Variants in SCCPDH observed in about 807,000 individuals in gnomAD.
SCCPDH encodes the protein saccharopine dehydrogenase (putative), also known as saccharopine dehydrogenase-like oxidoreductase.
Under a neutral mutation model 51.5 loss-of-function variants are expected in SCCPDH, and 34 were observed. That is an observed-to-expected ratio of 0.66 (90% CI 0.50 to 0.88). The LOEUF (loss-of-function observed/expected upper bound fraction) is 0.88, where lower values mean the gene tolerates loss of function less well. SCCPDH is among the 40% of genes least tolerant of loss of function. SCCPDH has a pLI of 0.00. For missense variants in SCCPDH, 464 were observed against 527.1 expected (o/e 0.88, Z 1.17); for synonymous variants, 187 against 191.3 (o/e 0.98, Z 0.19).
intron 1 of SCCPDH, among the ~76,000 whole-genome samples, chr1:246,725,048 G>C (rs966018117): frequency 3.9e-5 from 6 of 152,116 alleles, no homozygotes; most frequent in African/African-American, 1.4e-4. Flanking sequence ...GTCTCCCTTT[G>C]CCTCGTGTTT....
At chr1:246,731,025 A>G (rs1003522358) in intron 2 of SCCPDH, among the ~76,000 whole-genome samples, 1 of 152,218 alleles carries the variant, frequency 6.6e-6, no homozygotes, top group Non-Finnish European at 1.5e-5. Flanking sequence ...GCGCCATTGT[A>G]TTCAAGCCTG....
intron 4 of SCCPDH, among the ~76,000 whole-genome samples, chr1:246,743,373 A>G (rs1668709002): frequency 6.6e-6 from 1 of 152,000 alleles, no homozygotes; most frequent in Non-Finnish European, 1.5e-5. Flanking sequence ...TCACAAGGTC[A>G]GGAAATCTAG....
chr1:246,728,635 T>TTC (rs1466249235), intron 2 of SCCPDH, among the ~76,000 whole-genome samples: 1 of 152,242 alleles, frequency 6.6e-6, no homozygotes, highest in Non-Finnish European at 1.5e-5. Context: ...TTCCTTGAAC[T>TTC]TTTAGTATCC....
intron 1 of SCCPDH, among the ~76,000 whole-genome samples, chr1:246,725,617 G>A (rs1572290620): frequency 6.6e-6 from 1 of 152,308 alleles, no homozygotes; most frequent in Admixed American, 6.5e-5. Flanking sequence ...AAGACACCAC[G>A]TAGGCTGGAC....
intron 5 of SCCPDH, among the ~76,000 whole-genome samples, chr1:246,750,072 C>T (rs1174136324): frequency 3.3e-5 from 5 of 152,158 alleles, no homozygotes; most frequent in Admixed American, 3.3e-4. Flanking sequence ...GGGTGGTGCT[C>T]TTTGGACCCA....
chr1:246,753,311 G>A (rs925293326), intron 5 of SCCPDH, among the ~76,000 whole-genome samples: 1 of 151,996 alleles, frequency 6.6e-6, no homozygotes, highest in African/African-American at 2.4e-5. Context: ...TCTCTTAGAA[G>A]CTCTTCTATA....
At chr1:246,756,773 C>T (rs901001258) in intron 5 of SCCPDH, among the ~76,000 whole-genome samples, 7 of 152,134 alleles carry the variant, frequency 4.6e-5, no homozygotes, top group African/African-American at 1.4e-4. Flanking sequence ...ATCATCAAAG[C>T]TGAGATAGGA....
chr1:246,733,731 G>T (rs1464117744), intron 2 of SCCPDH, among the ~76,000 whole-genome samples: 19 of 152,106 alleles, frequency 1.2e-4, no homozygotes, highest in Admixed American at 1.2e-3. Context: ...CTTGCATCAA[G>T]ACAGAAAATA....
chr1:246,735,681 G>C (rs983156697), intron 2 of SCCPDH, among the ~76,000 whole-genome samples: 1 of 152,162 alleles, frequency 6.6e-6, no homozygotes, highest in Non-Finnish European at 1.5e-5. Flanking sequence ...ACAGGTGTGT[G>C]CCACCACGCC....
At chr1:246,763,016 G>A (rs1012969118) in intron 9 of SCCPDH, among the ~76,000 whole-genome samples, 5 of 152,010 alleles carry the variant, frequency 3.3e-5, no homozygotes, top group Non-Finnish European at 5.9e-5. Context: ...ACTCTGGTTC[G>A]GTTGGTCTGG....
intron 3 of SCCPDH, 93 bp downstream of exon 3, chr1:246,736,148 A>T: frequency 1.3e-6 from 1 of 782,282 alleles, no homozygotes; most frequent in South Asian, 1.6e-5. Flanking sequence ...AGACATATTT[A>T]GAAGCCGACA....
intron 5 of SCCPDH, among the ~76,000 whole-genome samples, chr1:246,748,106 C>T (rs555645743): frequency 3.3e-5 from 5 of 151,926 alleles, no homozygotes; most frequent in East Asian, 3.9e-4. Flanking sequence ...CTTTGCTGCT[C>T]GACTTTATCC....
chr1:246,735,723 G>GGTTTCACCAT (rs2102981937), intron 2 of SCCPDH, among the ~76,000 whole-genome samples: 1 of 152,258 alleles, frequency 6.6e-6, no homozygotes, highest in South Asian at 2.1e-4. Flanking sequence ...GTCGAGATGG[G>GGTTTCACCAT]GTTTCACCAT....
At chr1:246,738,977 G>A (rs1181182270) in intron 3 of SCCPDH, among the ~76,000 whole-genome samples, 2 of 152,194 alleles carry the variant, frequency 1.3e-5, no homozygotes, top group Admixed American at 1.3e-4. Flanking sequence ...GACTGAGTGT[G>A]TTAATGTGTT....
chr1:246,728,758 T>C lies in SCCPDH; in HGVS notation c.303+1754T>C, dbSNP rs533825280. 2.1e-4 allele frequency among the ~76,000 whole-genome samples: 32 copies of C among 152,292 alleles called. 1 individual carries two copies. In the Middle Eastern group the frequency reaches 0.01, roughly 49 times the overall value. ...CTTCATCTTCCTACCACCAGATCTA[T>C]CTACCTACCTACCTGTCTGCCAATC... On this transcript the variant is annotated intron_variant, in intron 2 of 11. Coordinates refer to ENST00000366510, the MANE Select transcript of SCCPDH (RefSeq NM_016002.3).
At chr1:246,727,500 T>G (rs1324506005) in intron 2 of SCCPDH, among the ~76,000 whole-genome samples, 1 of 152,174 alleles carries the variant, frequency 6.6e-6, no homozygotes, top group Admixed American at 6.5e-5. Flanking sequence ...AGAAAATCCC[T>G]CGTGGACATT....
At position 246,759,981 on chromosome 1, in the gene SCCPDH, G is replaced by A; in HGVS notation, c.838G>A (p.Val280Met). 1 of 1,613,620 alleles carries A rather than the reference G, an allele frequency of 6.2e-7. No homozygotes were observed. Among genetic ancestry groups the A allele is most frequent in the Non-Finnish European group, 8.5e-7 (1 of 1,179,824 alleles). The change falls in exon 8 of 12, where the codon GTG becomes ATG. Residue 280 changes from valine (V) to methionine (M), a missense_variant. Coordinates refer to ENST00000366510, the MANE Select transcript of SCCPDH (RefSeq NM_016002.3). ...SPVQYAAYVTVGGITSVIKLM... is the reference protein window; with the variant it reads ...SPVQYAAYVTMGGITSVIKLM... ...GGTTCAGTATGCTGCGTATGTAACTGTGGGAGGCATCACCTCTGTTATTAA... is the reference window on the plus strand; with the variant it reads ...GGTTCAGTATGCTGCGTATGTAACTATGGGAGGCATCACCTCTGTTATTAA...
intron 4 of SCCPDH, among the ~76,000 whole-genome samples, chr1:246,742,504 G>A (rs924525680): frequency 2.0e-5 from 3 of 152,176 alleles, no homozygotes; most frequent in Non-Finnish European, 2.9e-5. Context: ...TGCGGATCGG[G>A]TTAGATCACA....
intron 11 of SCCPDH, among the ~76,000 whole-genome samples, chr1:246,766,427 C>T (rs781232288): frequency 6.6e-6 from 1 of 152,164 alleles, no homozygotes; most frequent in East Asian, 1.9e-4. Context: ...GAGTCAGCCA[C>T]TCAAAAAAGT....
Sources: gnomAD v4.1 joint callset for allele counts (sites outside exome capture counted in the v4.1 genomes callset) on GRCh38, gnomAD v4.1.1 for gene constraint, MANE v1.5 for transcripts, NCBI Gene and HGNC (gene_info 2026-07-23, HGNC 2026-07-21) for gene names.